Variants in PCDHGB2 observed in about 807,000 individuals in gnomAD.
PCDHGB2 encodes protocadherin gamma subfamily B, 2.
Under a neutral mutation model 59.3 loss-of-function variants are expected in PCDHGB2, and 55 were observed. The ratio of observed to expected loss-of-function variants is 0.93; its 90% confidence interval spans 0.75 to 1.16. PCDHGB2 has a LOEUF of 1.16. Among genes scored for constraint, PCDHGB2 ranks in the 50% most tolerant of loss-of-function variants. PCDHGB2 has a pLI of 0.00. For synonymous variants in PCDHGB2, 516 were observed against 512.0 expected (o/e 1.01, Z -0.11); for missense variants, 1,228 against 1,198.5 (o/e 1.02, Z -0.36).
At chr5:141,376,909 G>T (rs1253318299) in intron 1 of PCDHGB2, 1 of 186,916 alleles carries the variant, frequency 5.3e-6, no homozygotes, top group Non-Finnish European at 1.1e-5. Context: ...GGATGGTCTC[G>T]ATCTCCTGAC....
Position 141,372,598 on chromosome 5 carries a change from C to CTGTA in PCDHGB2, c.2421+10043_2421+10046dup, listed in dbSNP as rs763694061. The CTGTA allele has an allele frequency of 6.2e-6, 10 of 1,614,046 alleles. No individual in the cohort carries two copies. In the South Asian group the frequency reaches 1.1e-4, roughly 18 times the overall value. On this transcript the variant is annotated intron_variant, in intron 1 of 3. Coordinates refer to ENST00000522605, the MANE Select transcript of PCDHGB2 (RefSeq NM_018923.3). ...TTTCAGCCTGGTGTCTGCTTCAAGA[C>CTGTA]TGTACCTGGAGTTCTCCCCACCTAC...
chr5:141,403,186 C>G, intron 1 of PCDHGB2: 2 of 1,614,012 alleles, frequency 1.2e-6, no homozygotes, highest in Non-Finnish European at 1.7e-6. Flanking sequence ...TCTCTCTGAA[C>G]CCGCGCAGCG....
intron 1 of PCDHGB2, chr5:141,430,655 G>T (rs1309165721): frequency 1.6e-5 from 17 of 1,084,938 alleles, no homozygotes; most frequent in Non-Finnish European, 2.2e-5. Flanking sequence ...TGGAAACAAC[G>T]GAGGAGCTCT....
intron 1 of PCDHGB2, chr5:141,395,206 A>T: frequency 1.9e-6 from 3 of 1,613,736 alleles, no homozygotes; most frequent in Non-Finnish European, 2.5e-6. Flanking sequence ...GTAGATTTTC[A>T]TGAATATAAG....
At chr5:141,503,309 A>G (rs2099819130) in intron 2 of PCDHGB2, among the ~76,000 whole-genome samples, 1 of 152,034 alleles carries the variant, frequency 6.6e-6, no homozygotes, top group Non-Finnish European at 1.5e-5. Flanking sequence ...TCAAGAAAGA[A>G]TTGTTGGAGG....
In PCDHGB2 at chr5:141,485,111, G is replaced by C. The variant is rs2099607127; in HGVS notation, c.2422-9696G>C. On this transcript the variant is annotated intron_variant, in intron 1 of 3. Coordinates refer to ENST00000522605, the MANE Select transcript of PCDHGB2 (RefSeq NM_018923.3). The surrounding 1 kb of genome is among the most constrained non-coding windows in gnomAD (Gnocchi z 5.7). The stretch of plus-strand genomic sequence containing the variant: ...ATAGGTGTCTCCAGCTGCTGTGGCT[G>C]TTTGGGGCGGGTCGGCTTCATCCGC... 5.4e-6 allele frequency: 7 copies of C among 1,287,562 alleles called. No individual in the cohort carries two copies. The highest frequency in any genetic ancestry group is 7.8e-6 in the Non-Finnish European group (7 of 899,436). 79.8% of individuals were successfully genotyped at this position (1,287,562 alleles called of 1,614,324 possible). A position where few individuals can be genotyped will look rare whatever the true frequency, so the allele number is the denominator to read the frequency against.
At chr5:141,423,257 G>A in intron 1 of PCDHGB2, 2 of 1,613,946 alleles carry the variant, frequency 1.2e-6, no homozygotes, top group Non-Finnish European at 1.7e-6. Context: ...GCGGACCTCG[G>A]CAGCCTCGAG....
intron 1 of PCDHGB2, chr5:141,390,888 G>A (rs1420100403): frequency 6.7e-6 from 1 of 149,538 alleles, no homozygotes; most frequent in African/African-American, 2.4e-5. Context: ...GTGTGTGTGT[G>A]AGAGAGATCC....
intron 1 of PCDHGB2, chr5:141,404,954 A>C: frequency 6.2e-7 from 1 of 1,613,952 alleles, no homozygotes; most frequent in Non-Finnish European, 8.5e-7. Flanking sequence ...AGCTGACAGC[A>C]TCCCAGACAT....
chr5:141,410,118 G>T (rs2095358965), intron 1 of PCDHGB2: 3 of 1,612,304 alleles, frequency 1.9e-6, no homozygotes, highest in East Asian at 4.5e-5. Context: ...GACGCAGCCC[G>T]CCAGCGCCTG....
intron 1 of PCDHGB2, chr5:141,421,621 C>T (rs2154549322): frequency 6.2e-7 from 1 of 1,613,772 alleles, no homozygotes; most frequent in Non-Finnish European, 8.5e-7. Flanking sequence ...TGATAACGCC[C>T]CCAGCTTCCA....
rs759945612 is a variant in PCDHGB2 at position 141,409,754 on chromosome 5, C to T, written c.2421+47198C>T. ...GCAGAGCGGGGTGGTGTTCGCGCAG[C>T]GCGCCTTTGATCACGAGCAGCTGCG... On this transcript the variant is annotated intron_variant, in intron 1 of 3. Coordinates refer to ENST00000522605, the MANE Select transcript of PCDHGB2 (RefSeq NM_018923.3). 3 of 1,612,880 alleles carry T rather than the reference C, an allele frequency of 1.9e-6. No individual in the cohort carries two copies. In the Admixed American group the frequency reaches 5.0e-5, roughly 27 times the overall value.
intron 1 of PCDHGB2, chr5:141,372,026 C>T (rs1469685060): frequency 6.2e-7 from 1 of 1,613,330 alleles, no homozygotes; most frequent in Non-Finnish European, 8.5e-7. Flanking sequence ...CGCTCAGCGC[C>T]AACGTGAGCC....
chr5:141,498,251 C>A (rs1277949209), intron 2 of PCDHGB2, among the ~76,000 whole-genome samples: 1 of 152,178 alleles, frequency 6.6e-6, no homozygotes, highest in African/African-American at 2.4e-5. Flanking sequence ...CAAAGCAGGG[C>A]TGGTGTTGAG....
chr5:141,480,407 C>T (rs906445993), intron 1 of PCDHGB2, among the ~76,000 whole-genome samples: 1 of 139,782 alleles, frequency 7.2e-6, no homozygotes, highest in Admixed American at 7.0e-5. Context: ...AGAGTGAGAC[C>T]CTGTCTCAAA....
At chr5:141,425,802 C>T (rs966768224) in intron 1 of PCDHGB2, among the ~76,000 whole-genome samples, 6 of 152,160 alleles carry the variant, frequency 3.9e-5, no homozygotes, top group African/African-American at 1.4e-4. Context: ...ATGTGCATTG[C>T]TTCTGCTTAG....
chr5:141,498,713 C>T (rs1216279302), intron 2 of PCDHGB2, among the ~76,000 whole-genome samples: 1 of 152,148 alleles, frequency 6.6e-6, no homozygotes, highest in East Asian at 1.9e-4. Flanking sequence ...GGGTGGATCA[C>T]CTGAGGTCAG....
chr5:141,490,641 G>A lies in PCDHGB2; in HGVS notation c.2422-4166G>A. 3 of 1,614,160 alleles carry A rather than the reference G, an allele frequency of 1.9e-6. No homozygotes were observed. On this transcript the variant is annotated intron_variant, in intron 1 of 3. Transcript: ENST00000522605. This position sits in a 1 kb window ranked among gnomAD's most constrained non-coding sequence, Gnocchi z 5.4. Reference sequence around the variant, plus strand: ...ACACTGCTTACATCCTAGAAAACCGGCCTCCGGGCTCCCTTCTTTGCACTG... The same window carrying A: ...ACACTGCTTACATCCTAGAAAACCGACCTCCGGGCTCCCTTCTTTGCACTG...
chr5:141,409,769 G>A (rs1413636372), intron 1 of PCDHGB2: 19 of 1,612,658 alleles, frequency 1.2e-5, no homozygotes, highest in Non-Finnish European at 1.5e-5. Context: ...CTTTGATCAC[G>A]AGCAGCTGCG....
Sources: gnomAD v4.1 joint callset for allele counts (sites outside exome capture counted in the v4.1 genomes callset) on GRCh38, gnomAD v4.1.1 for gene constraint, Gnocchi (gnomAD v3.1) non-coding constraint, MANE v1.5 for transcripts, NCBI Gene and HGNC (gene_info 2026-07-23, HGNC 2026-07-21) for gene names.